DOCK1: variants seen among roughly 807,000 people sequenced by gnomAD.
The protein encoded by DOCK1 is dedicator of cytokinesis 1, also known as dedicator of cytokinesis protein 1.
Under a neutral mutation model 262.7 loss-of-function variants are expected in DOCK1, and 138 were observed. The ratio of observed to expected loss-of-function variants is 0.53; its 90% confidence interval spans 0.46 to 0.61. The LOEUF is 0.61. Among genes scored for constraint, DOCK1 ranks in the 20% least tolerant of loss-of-function variants. The probability of loss-of-function intolerance (pLI) is 0.00; values close to 1 mark genes in which losing one functional copy is unlikely to be tolerated. For synonymous variants in DOCK1, 866 were observed against 867.4 expected (o/e 1.00, Z 0.03); for missense variants, 1,908 against 2,370.7 (o/e 0.80, Z 4.05).
intron 27 of DOCK1, among the ~76,000 whole-genome samples, chr10:127,202,274 G>A (rs1019934612): frequency 1.3e-5 from 2 of 151,774 alleles, no homozygotes; most frequent in Non-Finnish European, 2.9e-5. Flanking sequence ...AGTGAGCCAA[G>A]ATCGCGCCAT....
intron 6 of DOCK1, among the ~76,000 whole-genome samples, chr10:126,994,052 G>A (rs922298709): frequency 6.6e-6 from 1 of 152,058 alleles, no homozygotes; most frequent in Admixed American, 6.5e-5. Flanking sequence ...TGTTAAAAAA[G>A]CCTGTTTCCA....
chr10:127,092,184 C>T (rs993438699), intron 23 of DOCK1, among the ~76,000 whole-genome samples: 8 of 152,164 alleles, frequency 5.3e-5, no homozygotes, highest in Non-Finnish European at 7.3e-5. Flanking sequence ...CTGGCTGGAC[C>T]GTAGACACAG....
chr10:127,213,125 C>A (rs1156931760), intron 27 of DOCK1, among the ~76,000 whole-genome samples: 1 of 152,080 alleles, frequency 6.6e-6, no homozygotes, highest in Non-Finnish European at 1.5e-5. Context: ...CCCATGAAAG[C>A]TTTTATATGC....
At chr10:127,142,855 C>A (rs571379914) in intron 27 of DOCK1, among the ~76,000 whole-genome samples, 1 of 152,256 alleles carries the variant, frequency 6.6e-6, no homozygotes, top group African/African-American at 2.4e-5. Context: ...TTGGTCTTTC[C>A]CTTTTCAAAA....
chr10:127,350,002 G>C (rs575401892), intron 31 of DOCK1, among the ~76,000 whole-genome samples: 70 of 152,234 alleles, frequency 4.6e-4, no homozygotes, highest in Admixed American at 1.2e-3. Context: ...ATGGATACCA[G>C]GGTTTAGGAC....
intron 1 of DOCK1, among the ~76,000 whole-genome samples, chr10:126,914,786 T>C (rs1287657326): frequency 6.6e-6 from 1 of 152,216 alleles, no homozygotes; most frequent in African/African-American, 2.4e-5. Context: ...TTTGCTGGCT[T>C]CATACAATAC....
intron 27 of DOCK1, among the ~76,000 whole-genome samples, chr10:127,157,750 A>G (rs2053221870): frequency 6.6e-6 from 1 of 152,154 alleles, no homozygotes; most frequent in South Asian, 2.1e-4. Context: ...TATTTTTAGG[A>G]CTTCATTACC....
chr10:127,170,262 C>T (rs2054442835), intron 27 of DOCK1, among the ~76,000 whole-genome samples: 1 of 152,100 alleles, frequency 6.6e-6, no homozygotes, highest in African/African-American at 2.4e-5. Context: ...TTAGTAAAGT[C>T]ACAAAGCCCC....
At chr10:127,137,672 G>T (rs1273456566) in intron 27 of DOCK1, 4 of 561,312 alleles carry the variant, frequency 7.1e-6, no homozygotes, top group Non-Finnish European at 1.2e-5. Flanking sequence ...CCTTGCTTCT[G>T]TTAATTATCT....
At chr10:127,363,009 ATC>A (rs2064664380) in intron 33 of DOCK1, among the ~76,000 whole-genome samples, 1 of 110,792 alleles carries the variant, frequency 9.0e-6, no homozygotes, top group Non-Finnish European at 1.7e-5. Context: ...ACACACGCAC[ATC>A]CCCACACACA....
intron 27 of DOCK1, among the ~76,000 whole-genome samples, chr10:127,135,048 C>T (rs2050572373): frequency 6.6e-6 from 1 of 152,206 alleles, no homozygotes. Context: ...GCTACCTCCC[C>T]TGGGCCATGG....
At chr10:127,049,991 T>A (rs74158603) in intron 21 of DOCK1, among the ~76,000 whole-genome samples, 168 of 138,502 alleles carry the variant, frequency 1.2e-3, no homozygotes, top group Middle Eastern at 3.7e-3. Context: ...TTTTTTTTTT[T>A]ACTATAGTGA....
At chr10:127,027,169 G>A (rs1371694046) in intron 16 of DOCK1, among the ~76,000 whole-genome samples, 1 of 152,258 alleles carries the variant, frequency 6.6e-6, no homozygotes, top group Non-Finnish European at 1.5e-5. Context: ...GAAAAGAGTG[G>A]TGTGGAGGGC....
At chr10:127,394,749 C>G (rs2066717738) in intron 38 of DOCK1, among the ~76,000 whole-genome samples, 1 of 152,206 alleles carries the variant, frequency 6.6e-6, no homozygotes, top group African/African-American at 2.4e-5. Context: ...TGTGGGATCA[C>G]TAACAAGCTT....
intron 19 of DOCK1, among the ~76,000 whole-genome samples, chr10:127,040,257 G>A (rs2043932336): frequency 6.6e-6 from 1 of 152,236 alleles, no homozygotes; most frequent in South Asian, 2.1e-4. Flanking sequence ...AAGTGGTACA[G>A]ATCCACATAG....
intron 25 of DOCK1, among the ~76,000 whole-genome samples, chr10:127,125,140 C>T (rs1265059341): frequency 2.0e-5 from 3 of 152,038 alleles, no homozygotes; most frequent in Non-Finnish European, 4.4e-5. Context: ...CAACAAAAAA[C>T]AAAAAACCCA....
rs529512371 is a variant in DOCK1 at position 127,098,125 on chromosome 10, A to G, written c.2446-8106A>G. ...AGCAGATACCTGCTGAGGGACTGGC[A>G]TCCTGGCCTCTCACCCACAATTCAA... On this transcript the variant is annotated intron_variant, in intron 23 of 51. Transcript: ENST00000623213. Among the ~76,000 whole-genome samples, 27 of 152,376 alleles carry G rather than the reference A, an allele frequency of 1.8e-4. No individual in the cohort carries two copies. In the South Asian group the frequency reaches 5.0e-3, roughly 28 times the overall value.
In DOCK1 at chr10:127,409,215, T is replaced by C. The variant is rs747815884; in HGVS notation, c.4264+37T>C. The C allele has an allele frequency of 1.1e-5, 17 of 1,612,356 alleles. No individual in the cohort carries two copies. In the South Asian group the frequency reaches 1.9e-4, roughly 18 times the overall value. ...GACAACCTCATCAACTCTGAAACCA[T>C]GGTGATGCCATTCATTTGGGTGGTT... On this transcript the variant is annotated intron_variant, in intron 41 of 51. Transcript: ENST00000623213.
chr10:126,924,704 C>T lies in DOCK1; in HGVS notation c.46+19141C>T, dbSNP rs114651641. Among the ~76,000 whole-genome samples, 157 of 152,288 alleles carry T rather than the reference C, an allele frequency of 1.0e-3. 2 individuals carry two copies. Among genetic ancestry groups the T allele is most frequent in the African/African-American group, 3.7e-3 (155 of 41,546 alleles). On this transcript the variant is annotated intron_variant, in intron 1 of 51. Transcript: ENST00000623213. ...CAGTTTTCGTCTGACCAGCAGTTAC[C>T]ATGGAGGGCCAGGTGTGGTCAAGGG...
Sources: allele counts gnomAD v4.1 joint callset (sites outside exome capture counted in the v4.1 genomes callset), GRCh38; gene constraint gnomAD v4.1.1; transcripts MANE v1.5; gene names NCBI Gene and HGNC (gene_info 2026-07-23, HGNC 2026-07-21).